The following MYO16 variants were observed in gnomAD, a reference collection of about 807,000 sequenced individuals.
MYO16 encodes unconventional myosin-XVI.
A neutral mutation model predicts 205.3 loss-of-function variants in MYO16; 94 were observed. The ratio of observed to expected loss-of-function variants is 0.46; its 90% CI spans 0.39 to 0.54. MYO16 has a LOEUF of 0.54. MYO16 is among the 20% of genes least tolerant of loss of function. MYO16 has a pLI of 0.00. For missense variants in MYO16, 2,315 were observed against 2,387.5 expected, an observed-to-expected ratio of 0.97 and a Z score of 0.63; for synonymous variants, 988 against 954.0, an observed-to-expected ratio of 1.04 and a Z score of -0.66.
At chr13:108,660,187 G>T (rs574999026) in intron 1 of MYO16, among the ~76,000 whole-genome samples, 1 of 152,258 alleles carries the variant, frequency 6.6e-6, no homozygotes, top group Admixed American at 6.5e-5. Context: ...CAAGCAATAG[G>T]AATTGAAGTG....
At chr13:109,113,542 A>G (rs1875516802) in intron 28 of MYO16, among the ~76,000 whole-genome samples, 1 of 152,372 alleles carries the variant, frequency 6.6e-6, no homozygotes, top group Admixed American at 6.5e-5. Context: ...AAATGGACGC[A>G]TGTAGACCCA....
chr13:108,644,451 T>C (rs1263167896), intron 1 of MYO16, among the ~76,000 whole-genome samples: 1 of 152,110 alleles, frequency 6.6e-6, no homozygotes, highest in African/African-American at 2.4e-5. Context: ...TGAGCTGAAA[T>C]AATAAACCTT....
intron 1 of MYO16, among the ~76,000 whole-genome samples, chr13:108,603,005 G>C (rs1179579036): frequency 1.3e-5 from 2 of 152,206 alleles, no homozygotes; most frequent in Admixed American, 1.3e-4. Context: ...TGGTTTGGAA[G>C]TGAAATAATG....
chr13:109,142,713 C>T (rs1452861856), intron 32 of MYO16, among the ~76,000 whole-genome samples: 2 of 152,154 alleles, frequency 1.3e-5, no homozygotes, highest in African/African-American at 4.8e-5. Context: ...GATCTTTTAA[C>T]TTCACTTCAG....
the MYO16 span, among the ~76,000 whole-genome samples, chr13:108,546,653 A>G: frequency 6.6e-6 from 1 of 152,050 alleles, no homozygotes; most frequent in Admixed American, 6.6e-5. Context: ...ATAGCATTTC[A>G]CGGATACCTG....
At chr13:109,120,249 C>G in intron 28 of MYO16, 121 bp from the exon 29 acceptor site, 2 of 657,556 alleles carry the variant, frequency 3.0e-6, no homozygotes, top group Non-Finnish European at 5.2e-6. Flanking sequence ...GACATGTACT[C>G]TAATTTTCTG....
chr13:109,143,168 A>C (rs1396758234), intron 32 of MYO16, among the ~76,000 whole-genome samples: 3 of 152,160 alleles, frequency 2.0e-5, no homozygotes, highest in Non-Finnish European at 4.4e-5. Flanking sequence ...CTCCTTCACC[A>C]AAAGAAAATA....
intron 2 of MYO16, among the ~76,000 whole-genome samples, chr13:108,666,681 T>A (rs1462113408): frequency 2.0e-5 from 3 of 152,180 alleles, no homozygotes; most frequent in East Asian, 1.9e-4. Context: ...GCAGCAGTAA[T>A]GTCACTTTCC....
At chr13:109,198,531 T>C (rs1249654394) in intron 34 of MYO16, among the ~76,000 whole-genome samples, 1 of 152,220 alleles carries the variant, frequency 6.6e-6, no homozygotes, top group African/African-American at 2.4e-5. Flanking sequence ...TTTTCTGGGT[T>C]GCTTTTTAGT....
intron 4 of MYO16, among the ~76,000 whole-genome samples, chr13:108,760,845 C>T (rs1020483538): frequency 6.6e-6 from 1 of 152,150 alleles, no homozygotes; most frequent in Admixed American, 6.5e-5. Context: ...CTGGTAGCCA[C>T]TATTCTACTC....
In MYO16 at chr13:108,964,900, A is replaced by G; in HGVS notation, c.2367A>G (p.Lys789=). 1.2e-6 allele frequency: 2 copies of G among 1,614,110 alleles called. No homozygotes were observed. The highest frequency in any genetic ancestry group is 4.5e-5 in the East Asian group (2 of 44,866). The change falls in exon 20 of 35, where the codon AAA becomes AAG. Residue 789 remains lysine (K), a splice_region_variant and synonymous_variant. Transcript: ENST00000457511. The stretch of plus-strand genomic sequence containing the variant: ...GCCTCCACAGTCAAGATGAACAGAA[A>G]AGGTAGGAGTTGATGGATGTTCGGT... ...NSCLHSQDEQ[K]SMQTLDIGIL...
intron 22 of MYO16, among the ~76,000 whole-genome samples, chr13:109,011,487 T>C (rs12429687): frequency 8.3e-5 from 7 of 83,966 alleles, no homozygotes; most frequent in Admixed American, 1.7e-4. Flanking sequence ...CTTTTTTTTT[T>C]TTCTTCCTTT....
the MYO16 span, among the ~76,000 whole-genome samples, chr13:108,499,279 G>C: frequency 6.6e-6 from 1 of 152,200 alleles, no homozygotes; most frequent in Non-Finnish European, 1.5e-5. Flanking sequence ...CAAGTATGCA[G>C]GACCTTGACT....
intron 27 of MYO16, among the ~76,000 whole-genome samples, chr13:109,080,632 A>G (rs1363394950): frequency 3.3e-5 from 5 of 152,010 alleles, no homozygotes; most frequent in Non-Finnish European, 5.9e-5. Context: ...TTCTTTGTCC[A>G]CAATAGAATG....
the MYO16 span, among the ~76,000 whole-genome samples, chr13:108,572,672 G>A: frequency 2.2e-3 from 334 of 152,108 alleles, 2 homozygotes; most frequent in African/African-American, 7.5e-3. Flanking sequence ...GTTTTTTTGT[G>A]ACATAGGTTA....
intron 16 of MYO16, among the ~76,000 whole-genome samples, chr13:108,932,398 T>A (rs1167675011): frequency 6.6e-6 from 1 of 152,210 alleles, no homozygotes; most frequent in Non-Finnish European, 1.5e-5. Context: ...TATTCCTCAT[T>A]GGCTTGGCTG....
chr13:109,142,373 T>C (rs1419884090), intron 32 of MYO16, among the ~76,000 whole-genome samples: 1 of 151,482 alleles, frequency 6.6e-6, no homozygotes, highest in Non-Finnish European at 1.5e-5. Flanking sequence ...TCTTCCATCA[T>C]GATGGCACTG....
At chr13:108,967,185 G>A (rs1187770917) in intron 20 of MYO16, among the ~76,000 whole-genome samples, 2 of 151,262 alleles carry the variant, frequency 1.3e-5, no homozygotes, top group East Asian at 1.9e-4. Flanking sequence ...GTGTGTGTAT[G>A]TATTTGTAAA....
chr13:108,692,133 A>G (rs1408697756), intron 2 of MYO16, among the ~76,000 whole-genome samples: 2 of 152,250 alleles, frequency 1.3e-5, no homozygotes, highest in Non-Finnish European at 2.9e-5. Flanking sequence ...AAAAGACATC[A>G]TGAATCAAAT....
Sources: allele counts gnomAD v4.1 joint callset (sites outside exome capture counted in the v4.1 genomes callset), GRCh38; gene constraint gnomAD v4.1.1; transcripts MANE v1.5; gene names NCBI Gene and HGNC (gene_info 2026-07-23, HGNC 2026-07-21).